Variants in SLC38A11 observed in about 807,000 individuals in gnomAD.
The protein encoded by SLC38A11 is solute carrier family 38 member 11, also known as putative sodium-coupled neutral amino acid transporter 11.
Under a neutral mutation model 49.4 loss-of-function variants are expected in SLC38A11, and 51 were observed. That is an observed-to-expected ratio of 1.03 (90% CI 0.83 to 1.30). The LOEUF (loss-of-function observed/expected upper bound fraction) is 1.30, where lower values mean the gene tolerates loss of function less well. Among genes scored for constraint, SLC38A11 ranks in the 50% most tolerant of loss-of-function variants. The pLI, the probability that SLC38A11 is intolerant of heterozygous loss-of-function variation, is 0.00. For synonymous variants in SLC38A11, 203 were observed against 192.9 expected (o/e 1.05, Z -0.43); for missense variants, 574 against 556.2 (o/e 1.03, Z -0.32).
At chr2:164,929,276 G>T (rs889993737) in intron 7 of SLC38A11, among the ~76,000 whole-genome samples, 1 of 152,022 alleles carries the variant, frequency 6.6e-6, no homozygotes, top group Non-Finnish European at 1.5e-5. Flanking sequence ...CCTTCTGTTG[G>T]CATCACTGTC....
At chr2:164,908,366 A>T (rs1685163110) in intron 11 of SLC38A11, among the ~76,000 whole-genome samples, 1 of 152,056 alleles carries the variant, frequency 6.6e-6, no homozygotes, top group Non-Finnish European at 1.5e-5. Flanking sequence ...ACATTGTGGG[A>T]TGTATATCCC....
Position 164,896,931 on chromosome 2 carries a change from A to G in SLC38A11, c.*1506T>C, listed in dbSNP as rs1301644710. The G allele has an allele frequency of 6.6e-6, 1 of 152,014 alleles. No homozygotes were observed. The highest frequency in any genetic ancestry group is 1.5e-5 in the Non-Finnish European group (1 of 68,006). 9.4% of individuals were successfully genotyped at this position (152,014 alleles called of 1,614,324 possible). ...TTTTGCATTTGATTTGTACAAACTC[A>G]TCATATATGTATTAACTCTGCTTGT... On this transcript the variant is annotated 3_prime_UTR_variant, in exon 12 of 12. Coordinates refer to ENST00000685975, the MANE Select transcript of SLC38A11 (RefSeq NM_001351537.2).
rs548846751 is a variant in SLC38A11 at position 164,948,073 on chromosome 2, G to T, written c.230-2346C>A. 5.9e-5 allele frequency among the ~76,000 whole-genome samples: 9 copies of T among 152,246 alleles called. No individual in the cohort carries two copies. The South Asian group carries it at 1.9e-3, about 32-fold the overall frequency. Reference sequence around the variant, plus strand: ...TCAGGGAGACCCATTAATGCATTTGGATAAAAATTATTTATTAGCTGTGTG... The same window carrying T: ...TCAGGGAGACCCATTAATGCATTTGTATAAAAATTATTTATTAGCTGTGTG... On this transcript the variant is annotated intron_variant, in intron 3 of 11. Coordinates refer to ENST00000685975, the MANE Select transcript of SLC38A11 (RefSeq NM_001351537.2).
intron 11 of SLC38A11, chr2:164,907,866 A>G (rs1301159510): frequency 2.0e-5 from 3 of 152,304 alleles, no homozygotes; most frequent in Non-Finnish European, 4.4e-5. Context: ...AATTAGATTG[A>G]CTAGAGCTGA....
chr2:164,939,132 A>G (rs2105499722), intron 6 of SLC38A11, among the ~76,000 whole-genome samples: 1 of 152,272 alleles, frequency 6.6e-6, no homozygotes, highest in East Asian at 1.9e-4. Context: ...TACACAAAAG[A>G]TGGAATACTT....
rs1684384188 is a variant in SLC38A11 at position 164,896,774 on chromosome 2, C to T, written c.*1663G>A. The T allele has an allele frequency of 6.6e-6, 1 of 152,098 alleles. No individual in the cohort carries two copies. Among genetic ancestry groups the T allele is most frequent in the African/African-American group, 2.4e-5 (1 of 41,434 alleles). The allele number at this position is 152,098 out of a possible 1,614,324, so 9.4% of individuals were successfully genotyped here. A position where few individuals can be genotyped will look rare whatever the true frequency, so the allele number is the denominator to read the frequency against. Reference sequence around the variant, plus strand: ...CACCACTAAAACCCTGAGCATGGTTCTACCTGCTAAAATGCATCTTCCTTT... The same window carrying T: ...CACCACTAAAACCCTGAGCATGGTTTTACCTGCTAAAATGCATCTTCCTTT... On this transcript the variant is annotated 3_prime_UTR_variant, in exon 12 of 12. Coordinates refer to ENST00000685975, the MANE Select transcript of SLC38A11 (RefSeq NM_001351537.2).
intron 3 of SLC38A11, among the ~76,000 whole-genome samples, chr2:164,952,359 C>T (rs929573945): frequency 1.3e-5 from 2 of 152,156 alleles, no homozygotes; most frequent in African/African-American, 2.4e-5. Context: ...ACGCACCTGC[C>T]CACGAAGCCC....
chr2:164,955,386 G>C lies in SLC38A11; in HGVS notation c.-139C>G. 1.3e-6 allele frequency: 1 copy of C among 791,584 alleles called. No homozygotes were observed. The highest frequency in any genetic ancestry group is 2.1e-6 in the Non-Finnish European group (1 of 482,650). The allele number at this position is 791,584 out of a possible 1,614,324, so 49.0% of individuals were successfully genotyped here. On this transcript the variant is annotated 5_prime_UTR_variant, in exon 1 of 12. Transcript: ENST00000685975. ...GCTGCAGGGAGCCAGTTCCACGGGC[G>C]CCCCCTGCTCCCTCGGCAGGCCGCG...
At chr2:164,926,372 C>T (rs900574173) in intron 7 of SLC38A11, among the ~76,000 whole-genome samples, 13 of 152,184 alleles carry the variant, frequency 8.5e-5, no homozygotes, top group African/African-American at 3.1e-4. Context: ...ATCACCAAAA[C>T]CCTAGTTACT....
Position 164,897,640 on chromosome 2 carries a change from A to C in SLC38A11, c.*797T>G, listed in dbSNP as rs1248880035. 1 of 152,208 alleles carries C rather than the reference A, an allele frequency of 6.6e-6. No individual in the cohort carries two copies. The highest frequency in any genetic ancestry group is 1.5e-5 in the Non-Finnish European group (1 of 68,082). The allele number at this position is 152,208 out of a possible 1,614,324, so 9.4% of individuals were successfully genotyped here. A position where few individuals can be genotyped will look rare whatever the true frequency, so the allele number is the denominator to read the frequency against. On this transcript the variant is annotated 3_prime_UTR_variant, in exon 12 of 12. Coordinates refer to ENST00000685975, the MANE Select transcript of SLC38A11 (RefSeq NM_001351537.2). ...TTCTTCTTACACGTTTCTAGTTTCA[A>C]AGTTCAGCTTCCAGTTGTACATTCC...
intron 7 of SLC38A11, among the ~76,000 whole-genome samples, chr2:164,920,732 G>A (rs1686135239): frequency 6.6e-6 from 1 of 151,926 alleles, no homozygotes; most frequent in Admixed American, 6.6e-5. Flanking sequence ...AAAGGAGAAA[G>A]GAAAGAAAAC....
intron 9 of SLC38A11, among the ~76,000 whole-genome samples, chr2:164,913,318 C>T (rs1028193818): frequency 1.3e-5 from 2 of 151,916 alleles, no homozygotes; most frequent in African/African-American, 2.4e-5. Flanking sequence ...TGAAGTTCCC[C>T]GTTCACTAAC....
chr2:164,901,393 C>CA (rs1221019259), intron 11 of SLC38A11, among the ~76,000 whole-genome samples: 2 of 151,882 alleles, frequency 1.3e-5, no homozygotes, highest in African/African-American at 4.8e-5. Context: ...GATATCTTTC[C>CA]ATTTATTTAT....
chr2:164,952,185 G>T (rs769875131), intron 3 of SLC38A11, among the ~76,000 whole-genome samples: 24 of 152,204 alleles, frequency 1.6e-4, no homozygotes, highest in Non-Finnish European at 2.5e-4. Flanking sequence ...CAGAAGAGAA[G>T]ATGTGATACA....
chr2:164,931,522 A>T (rs538664618), intron 7 of SLC38A11, among the ~76,000 whole-genome samples: 1 of 152,236 alleles, frequency 6.6e-6, no homozygotes, highest in East Asian at 1.9e-4. Flanking sequence ...ACTTCAAACT[A>T]CACTAAAGGG....
intron 9 of SLC38A11, chr2:164,912,141 G>A (rs1197680500): frequency 6.5e-6 from 1 of 152,852 alleles, no homozygotes; most frequent in Non-Finnish European, 1.5e-5. Flanking sequence ...TGACTTATAA[G>A]TGAATCTCCA....
Position 164,945,736 on chromosome 2 carries a change from A to G in SLC38A11, c.230-9T>C. The G allele has an allele frequency of 6.2e-7, 1 of 1,601,076 alleles. No homozygotes were observed. The highest frequency in any genetic ancestry group is 8.5e-7 in the Non-Finnish European group (1 of 1,177,176). Reference sequence around the variant, plus strand: ...TAAAACAAGGGAAAAGTCTGTGGCAAGAACATCAATTAAATGTCAGATTAC... The same window carrying G: ...TAAAACAAGGGAAAAGTCTGTGGCAGGAACATCAATTAAATGTCAGATTAC... On this transcript the variant is annotated splice_polypyrimidine_tract_variant and intron_variant, in intron 3 of 11. Transcript: ENST00000685975.
At chr2:164,932,913 G>T (rs1490454855) in intron 7 of SLC38A11, among the ~76,000 whole-genome samples, 1 of 152,054 alleles carries the variant, frequency 6.6e-6, no homozygotes, top group Non-Finnish European at 1.5e-5. Context: ...TCGTCAGAAT[G>T]AATCATTTCT....
At chr2:164,947,728 C>T (rs1337260915) in intron 3 of SLC38A11, among the ~76,000 whole-genome samples, 1 of 152,196 alleles carries the variant, frequency 6.6e-6, no homozygotes, top group Non-Finnish European at 1.5e-5. Context: ...CCAGACTTAT[C>T]TTATTAATCA....
Sources: gnomAD v4.1 joint callset for allele counts (sites outside exome capture counted in the v4.1 genomes callset) on GRCh38, gnomAD v4.1.1 for gene constraint, MANE v1.5 for transcripts, NCBI Gene and HGNC (gene_info 2026-07-23, HGNC 2026-07-21) for gene names.